The following SPATS2 variants were observed in gnomAD, a reference collection of about 807,000 sequenced individuals.
SPATS2 encodes spermatogenesis-associated serine-rich protein 2.
SPATS2 carries 38 observed loss-of-function variants against 63.7 expected under a neutral mutation model. The ratio of observed to expected loss-of-function variants is 0.60; its 90% confidence interval spans 0.46 to 0.78. The LOEUF (loss-of-function observed/expected upper bound fraction) is 0.78. Ranked by LOEUF, SPATS2 falls within the 30% of genes least tolerant of loss-of-function variation. The pLI, the probability that SPATS2 is intolerant of heterozygous loss-of-function variation, is 0.00. For missense variants in SPATS2, 588 were observed against 666.2 expected (o/e 0.88, Z 1.29); for synonymous variants, 207 against 232.9 (o/e 0.89, Z 1.01).
chr12:49,486,053 C>T (rs913243581), intron 4 of SPATS2, among the ~76,000 whole-genome samples: 1 of 152,056 alleles, frequency 6.6e-6, no homozygotes, highest in African/African-American at 2.4e-5. Context: ...GCCACTGCAC[C>T]TGGCCTCTCT....
intron 2 of SPATS2, among the ~76,000 whole-genome samples, chr12:49,436,626 C>T (rs1254738522): frequency 8.4e-5 from 11 of 130,304 alleles, no homozygotes; most frequent in East Asian, 2.5e-4. Flanking sequence ...CCACCTCCCT[C>T]CCGGACGGGG....
intron 8 of SPATS2, 148 bp downstream of exon 8, chr12:49,497,157 C>T (rs1398673607): frequency 2.6e-6 from 2 of 764,360 alleles, no homozygotes; most frequent in Non-Finnish European, 4.0e-6. Context: ...ACTACTCAGC[C>T]CTTCCCCTAA....
intron 7 of SPATS2, 41 bp downstream of exon 7, chr12:49,495,043 G>A: frequency 3.4e-6 from 5 of 1,490,314 alleles, no homozygotes; most frequent in Non-Finnish European, 3.6e-6. Context: ...GCATTCAGTT[G>A]AAAAACAGGG....
chr12:49,494,631 C>G (rs1946434416), intron 6 of SPATS2, 110 bp from the exon 7 acceptor site: 1 of 1,089,654 alleles, frequency 9.2e-7, no homozygotes, highest in African/African-American at 1.6e-5. Context: ...AAAGAACATA[C>G]AAGAAATTGG....
At chr12:49,373,893 T>C (rs1451767424) in intron 2 of SPATS2, among the ~76,000 whole-genome samples, 2 of 152,102 alleles carry the variant, frequency 1.3e-5, no homozygotes, top group African/African-American at 2.4e-5. Flanking sequence ...CACTCCAGCC[T>C]GGGCGACACT....
intron 9 of SPATS2, among the ~76,000 whole-genome samples, chr12:49,508,310 C>T (rs1565756793): frequency 6.6e-6 from 1 of 152,086 alleles, no homozygotes; most frequent in Non-Finnish European, 1.5e-5. Context: ...CGGGTTCAAG[C>T]GATTCTCCTG....
At chr12:49,492,711 C>A (rs1946402850) in intron 6 of SPATS2, among the ~76,000 whole-genome samples, 1 of 152,078 alleles carries the variant, frequency 6.6e-6, no homozygotes, top group African/African-American at 2.4e-5. Context: ...TGGGATTAGT[C>A]CAATAGGATG....
At chr12:49,525,845 G>A (rs1252273013) in intron 13 of SPATS2, 99 bp from the exon 14 acceptor site, 2 of 1,320,766 alleles carry the variant, frequency 1.5e-6, no homozygotes, top group South Asian at 1.5e-5. Context: ...TCCCAAGCAT[G>A]GGATACCACA....
At chr12:49,460,258 A>G (rs947259260) in intron 2 of SPATS2, among the ~76,000 whole-genome samples, 5 of 152,208 alleles carry the variant, frequency 3.3e-5, no homozygotes, top group South Asian at 2.1e-4. Context: ...GATAGAGACT[A>G]TCCTGGTCAA....
Position 49,421,287 on chromosome 12 carries a change from G to A in SPATS2, c.-243-39483G>A, listed in dbSNP as rs1186597514. Among the ~76,000 whole-genome samples the A allele has an allele frequency of 5.9e-5, 9 of 151,764 alleles. No individual in the cohort carries two copies. In the South Asian group the frequency reaches 1.7e-3, roughly 28 times the overall value. ...ACAAAAATTAGCTGGGCATGGTGGC[G>A]TGCGCCTGTAATCCCAGCTACATGG... On this transcript the variant is annotated intron_variant, in intron 2 of 13. Coordinates refer to ENST00000552918, the MANE Select transcript of SPATS2 (RefSeq NM_023071.4).
chr12:49,404,947 C>T (rs1020796557), intron 2 of SPATS2, among the ~76,000 whole-genome samples: 1 of 150,552 alleles, frequency 6.6e-6, no homozygotes, highest in African/African-American at 2.4e-5. Context: ...TATCAGTGTC[C>T]CTGAAAAAAA....
chr12:49,388,441 A>G (rs977171517), intron 2 of SPATS2, among the ~76,000 whole-genome samples: 4 of 149,170 alleles, frequency 2.7e-5, no homozygotes, highest in Non-Finnish European at 6.0e-5. Context: ...TGGTGCAATC[A>G]TGGCTTACTG....
chr12:49,374,280 C>T (rs1944053913), intron 2 of SPATS2, among the ~76,000 whole-genome samples: 1 of 152,072 alleles, frequency 6.6e-6, no homozygotes, highest in Non-Finnish European at 1.5e-5. Context: ...AGGCACACAC[C>T]ATGGCAGTCA....
intron 3 of SPATS2, among the ~76,000 whole-genome samples, chr12:49,477,962 CTT>C (rs1002916907): frequency 5.1e-4 from 54 of 105,230 alleles, no homozygotes; most frequent in East Asian, 3.4e-3. Context: ...GTGGTTTTGT[CTT>C]TTTTTTTTTT....
At chr12:49,477,962 CTTTTTTTT>C (rs1002916907) in intron 3 of SPATS2, among the ~76,000 whole-genome samples, 1 of 105,250 alleles carries the variant, frequency 9.5e-6, no homozygotes, top group East Asian at 2.8e-4. Context: ...GTGGTTTTGT[CTTTTTTTT>C]TTTTTTTTTT....
chr12:49,414,935 C>CTTTTTTT (rs199648430), intron 2 of SPATS2, among the ~76,000 whole-genome samples: 36 of 135,940 alleles, frequency 2.6e-4, no homozygotes, highest in African/African-American at 7.5e-4. Flanking sequence ...TTTTCTTTTT[C>CTTTTTTT]TTTTCTTTTT....
chr12:49,405,157 GTA>G (rs896063279), intron 2 of SPATS2, among the ~76,000 whole-genome samples: 1 of 152,104 alleles, frequency 6.6e-6, no homozygotes, highest in Non-Finnish European at 1.5e-5. Flanking sequence ...TACCATGTGT[GTA>G]TGAGGATTAT....
rs540275591 is a variant in SPATS2 at position 49,439,569 on chromosome 12, G to A, written c.-243-21201G>A. Among the ~76,000 whole-genome samples, 7 of 152,288 alleles carry A rather than the reference G, an allele frequency of 4.6e-5. No individual in the cohort carries two copies. In the East Asian group the frequency reaches 7.7e-4, roughly 17 times the overall value. Reference sequence around the variant, plus strand: ...GTTGTGGTATCTGAGGAAAATAGAGGAGTCAAGGATAATTACAGGGCTTTT... The same window carrying A: ...GTTGTGGTATCTGAGGAAAATAGAGAAGTCAAGGATAATTACAGGGCTTTT... On this transcript the variant is annotated intron_variant, in intron 2 of 13. Coordinates refer to ENST00000552918, the MANE Select transcript of SPATS2 (RefSeq NM_023071.4).
At chr12:49,417,007 A>G (rs776385224) in intron 2 of SPATS2, among the ~76,000 whole-genome samples, 6 of 152,146 alleles carry the variant, frequency 3.9e-5, no homozygotes, top group African/African-American at 9.7e-5. Context: ...CTAGGCAGGG[A>G]GATGAAAGAT....
Sources: allele counts gnomAD v4.1 joint callset (sites outside exome capture counted in the v4.1 genomes callset), GRCh38; gene constraint gnomAD v4.1.1; transcripts MANE v1.5; gene names NCBI Gene and HGNC (gene_info 2026-07-23, HGNC 2026-07-21).